The following PCDHA12 variants were observed in gnomAD, a reference collection of about 807,000 sequenced individuals.
PCDHA12 encodes the protein protocadherin alpha 12, also known as protocadherin alpha-12.
PCDHA12 carries 44 observed loss-of-function variants against 60.0 expected under a neutral mutation model. That is an observed-to-expected ratio of 0.73 (90% confidence interval 0.58 to 0.94). PCDHA12 has a LOEUF of 0.94. PCDHA12 is among the 40% of genes least tolerant of loss of function. PCDHA12 has a pLI of 0.00. For synonymous variants in PCDHA12, 569 were observed against 553.0 expected (o/e 1.03, Z -0.40); for missense variants, 1,276 against 1,239.7 (o/e 1.03, Z -0.44).
chr5:141,009,938 G>T lies in PCDHA12; in HGVS notation c.*1G>T, dbSNP rs781826815. The T allele has an allele frequency of 6.6e-5, 106 of 1,600,570 alleles. No individual in the cohort carries two copies. The highest frequency in any genetic ancestry group is 8.9e-5 in the Non-Finnish European group (105 of 1,175,516). ...CACGACTGACAACAGTGACCAGTGA[G>T]GTCCTCAAATGGAAACAAGCCACTT... On this transcript the variant is annotated 3_prime_UTR_variant, in exon 4 of 4. Coordinates refer to ENST00000398631, the MANE Select transcript of PCDHA12 (RefSeq NM_018903.4).
rs782372222 is a variant in PCDHA12 at position 140,876,213 on chromosome 5, T to C, written c.741T>C (p.Tyr247=). 11 of 1,613,846 alleles carry C rather than the reference T, an allele frequency of 6.8e-6. No homozygotes were observed. The Admixed American group carries it at 8.3e-5, about 12-fold the overall frequency. The change falls in exon 1 of 4, where the codon TAT becomes TAC. Residue 247 remains tyrosine (Y), a synonymous_variant. Coordinates refer to ENST00000398631, the MANE Select transcript of PCDHA12 (RefSeq NM_018903.4). ...DNGPAFDKPS[Y]KVVLSENVQN... The stretch of plus-strand genomic sequence containing the variant: ...GTCCGGCGTTTGATAAGCCCAGCTA[T>C]AAAGTAGTGTTGTCTGAAAATGTCC...
intron 1 of PCDHA12, among the ~76,000 whole-genome samples, chr5:140,945,480 C>A (rs2093795468): frequency 6.6e-6 from 1 of 151,728 alleles, no homozygotes; most frequent in South Asian, 2.1e-4. Context: ...CACAAAACAC[C>A]CCAAATACCC....
chr5:140,901,658 G>T (rs1554189962), intron 1 of PCDHA12, among the ~76,000 whole-genome samples: 1 of 151,936 alleles, frequency 6.6e-6, no homozygotes, highest in Admixed American at 6.6e-5. Flanking sequence ...TGTTCTTTTT[G>T]CTCAAGATAC....
At chr5:140,927,349 G>T in intron 1 of PCDHA12, 1 of 1,614,016 alleles carries the variant, frequency 6.2e-7, no homozygotes, top group Non-Finnish European at 8.5e-7. Flanking sequence ...AGATGACGAC[G>T]AGGGAAGCAA....
At chr5:140,884,063 G>A in intron 1 of PCDHA12, 3 of 1,613,496 alleles carry the variant, frequency 1.9e-6, no homozygotes, top group Non-Finnish European at 1.7e-6. Flanking sequence ...CGCGGTGGAC[G>A]CCGATTCGGG....
Position 140,877,048 on chromosome 5 carries a change from G to T in PCDHA12, c.1576G>T (p.Glu526Ter), listed in dbSNP as rs376952553. Residue 526 changes from glutamate (E) to a stop codon, truncating the protein, a stop_gained, in exon 1 of 4, where the codon GAG becomes TAG. Coordinates refer to ENST00000398631, the MANE Select transcript of PCDHA12 (RefSeq NM_018903.4). LOFTEE classifies it high-confidence loss of function. ...GTACGCGCTGCAGCCGCTAGACCAC[G>T]AGGAGCTGGAGCTGCTGCAGTTCCA... is the stretch of plus-strand genomic sequence containing the variant. ...KVYALQPLDH[E>*]ELELLQFQVS... 6.2e-7 allele frequency: 1 copy of T among 1,612,676 alleles called. No homozygotes were observed. The highest frequency in any genetic ancestry group is 8.5e-7 in the Non-Finnish European group (1 of 1,179,836).
chr5:140,918,456 T>A (rs782254836), intron 1 of PCDHA12, among the ~76,000 whole-genome samples: 9 of 152,316 alleles, frequency 5.9e-5, no homozygotes, highest in South Asian at 4.1e-4. Flanking sequence ...GTGGGCATCC[T>A]TGTCTTATTC....
chr5:140,881,579 C>T (rs1299755224), intron 1 of PCDHA12, among the ~76,000 whole-genome samples: 1 of 152,168 alleles, frequency 6.6e-6, no homozygotes, highest in Non-Finnish European at 1.5e-5. Context: ...TCTCAAGTCA[C>T]ATTGAGGGAA....
At position 140,877,813 on chromosome 5, in the gene PCDHA12, G is replaced by A. The variant is rs781966059; in HGVS notation, c.2341G>A (p.Glu781Lys). The A allele has an allele frequency of 6.2e-7, 1 of 1,610,266 alleles. No individual in the cohort carries two copies. Among genetic ancestry groups the A allele is most frequent in the Admixed American group, 1.7e-5 (1 of 58,996 alleles). The change falls in exon 1 of 4, where the codon GAA (glutamate) becomes AAA (lysine). Residue 781 changes from glutamate to lysine, a missense_variant. Physicochemically the swap from Glu to Lys is moderately conservative, Grantham distance 56. Coordinates refer to ENST00000398631, the MANE Select transcript of PCDHA12 (RefSeq NM_018903.4). ...CAGCCCAAGCCTTCAGCTGTCTCGAGAAGATTGTTTAAATCCTCCCAGTGA... is the reference window on the plus strand; with the variant it reads ...CAGCCCAAGCCTTCAGCTGTCTCGAAAAGATTGTTTAAATCCTCCCAGTGA... ...AFSPSLQLSR[E>K]DCLNPPSEPR...
In PCDHA12 at chr5:140,875,517, G is replaced by A. The variant is rs2055556431; in HGVS notation, c.45G>A (p.Leu15=). ...GAGGCCCGGGATCCCAGCGTCTGCT[G>A]CTCTCGCTTCTGCTCCTTGCAGCCT... is the stretch of plus-strand genomic sequence containing the variant. ...GPRGPGSQRL[L]LSLLLLAAWE... The change falls in exon 1 of 4, where the codon CTG becomes CTA. Residue 15 remains leucine (L), a synonymous_variant. Transcript: ENST00000398631. 4.3e-6 allele frequency: 7 copies of A among 1,614,024 alleles called. No homozygotes were observed. Among genetic ancestry groups the A allele is most frequent in the Non-Finnish European group, 5.9e-6 (7 of 1,179,922 alleles).
intron 1 of PCDHA12, chr5:140,881,269 G>T (rs1016077757): frequency 3.1e-6 from 2 of 648,656 alleles, no homozygotes; most frequent in Non-Finnish European, 1.9e-6. Context: ...CAGTGATGAT[G>T]AAGTAAGATG....
chr5:140,894,138 T>A (rs1224822611), intron 1 of PCDHA12, among the ~76,000 whole-genome samples: 2 of 152,112 alleles, frequency 1.3e-5, no homozygotes, highest in Non-Finnish European at 2.9e-5. Flanking sequence ...TTGAAATAAT[T>A]CCCTTCTATG....
chr5:140,875,537 C>A lies in PCDHA12; in HGVS notation c.65C>A (p.Ala22Glu). 1 of 1,614,130 alleles carries A rather than the reference C, an allele frequency of 6.2e-7. No individual in the cohort carries two copies. Among genetic ancestry groups the A allele is most frequent in the South Asian group, 1.1e-5 (1 of 91,082 alleles). Residue 22 changes from alanine to glutamate, a missense_variant, in exon 1 of 4, where the codon GCA becomes GAA. Coordinates refer to ENST00000398631, the MANE Select transcript of PCDHA12 (RefSeq NM_018903.4). ...QRLLLSLLLL[A>E]AWEVGSGQLH... ...CTGCTGCTCTCGCTTCTGCTCCTTG[C>A]AGCCTGGGAGGTGGGGAGCGGCCAG...
chr5:140,975,759 A>G (rs1420459945), intron 1 of PCDHA12, among the ~76,000 whole-genome samples: 1 of 152,248 alleles, frequency 6.6e-6, no homozygotes, highest in Non-Finnish European at 1.5e-5. Context: ...TCTATGTCAT[A>G]AATCACAGAT....
chr5:140,907,582 G>A (rs978225789), intron 1 of PCDHA12, among the ~76,000 whole-genome samples: 1 of 152,190 alleles, frequency 6.6e-6, no homozygotes, highest in Admixed American at 6.5e-5. Flanking sequence ...CAGGTAGCTG[G>A]CTGATCACCC....
chr5:140,994,249 G>A (rs17119346), intron 3 of PCDHA12, among the ~76,000 whole-genome samples: 45,238 of 152,008 alleles, frequency 0.3, 6,962 homozygotes, highest in East Asian at 0.43. Flanking sequence ...CAAACCCTAG[G>A]TAAATAAGGT....
chr5:140,972,355 G>A (rs1190163389), intron 1 of PCDHA12, among the ~76,000 whole-genome samples: 3 of 150,946 alleles, frequency 2.0e-5, no homozygotes, highest in Admixed American at 2.0e-4. Context: ...TCACTATGTT[G>A]CACATGCTGT....
chr5:140,906,930 G>A (rs1006674722), intron 1 of PCDHA12, among the ~76,000 whole-genome samples: 3 of 152,246 alleles, frequency 2.0e-5, no homozygotes, highest in Non-Finnish European at 4.4e-5. Flanking sequence ...AAAGTGTCCC[G>A]GTGTCAATCT....
chr5:140,957,145 T>A (rs1554222837), intron 1 of PCDHA12, among the ~76,000 whole-genome samples: 1 of 152,156 alleles, frequency 6.6e-6, no homozygotes, highest in Non-Finnish European at 1.5e-5. Context: ...GAACTAAAAA[T>A]TTTGGAGACA....
Sources: gnomAD v4.1 joint callset for allele counts (sites outside exome capture counted in the v4.1 genomes callset) on GRCh38, gnomAD v4.1.1 for gene constraint, MANE v1.5 for transcripts, NCBI Gene and HGNC (gene_info 2026-07-23, HGNC 2026-07-21) for gene names.